The following SOX6 variants were observed in gnomAD, a reference collection of about 807,000 sequenced individuals.
The protein encoded by SOX6 is transcription factor SOX-6.
SOX6 carries 11 observed loss-of-function variants against 97.8 expected under a neutral mutation model. The observed-to-expected ratio is 0.11, with a 90% CI of 0.07 to 0.19. The LOEUF is 0.19. Among genes scored for constraint, SOX6 ranks in the 10% least tolerant of loss-of-function variants. The pLI is 1.00. For missense variants in SOX6, 810 were observed against 1,039.5 expected, an observed-to-expected ratio of 0.78 and a Z score of 3.04; for synonymous variants, 360 against 371.4, an observed-to-expected ratio of 0.97 and a Z score of 0.35.
chr11:16,708,034 G>C (rs568101572), intron 3 of SOX6, among the ~76,000 whole-genome samples: 1 of 152,154 alleles, frequency 6.6e-6, no homozygotes, highest in South Asian at 2.1e-4. Flanking sequence ...CTGAGACCAA[G>C]GTATTTCCAA....
chr11:16,003,036 T>G (rs1230253366), intron 13 of SOX6, among the ~76,000 whole-genome samples: 3 of 152,126 alleles, frequency 2.0e-5, no homozygotes, highest in Non-Finnish European at 1.5e-5. Context: ...CCTCTTAATT[T>G]CAGCCAGAAT....
At chr11:16,087,554 GTT>G (rs1848604505) in intron 9 of SOX6, among the ~76,000 whole-genome samples, 1 of 152,016 alleles carries the variant, frequency 6.6e-6, no homozygotes, top group South Asian at 2.1e-4. Flanking sequence ...ACTGAAGAGA[GTT>G]GTGACTGTTC....
At chr11:16,402,676 C>G in intron 1 of SOX6, 1 of 1,611,022 alleles carries the variant, frequency 6.2e-7, no homozygotes, top group Non-Finnish European at 8.5e-7. Context: ...TTCTTCTTTC[C>G]TTCCTCCACC....
chr11:15,979,064 T>A (rs1261666864), intron 15 of SOX6, among the ~76,000 whole-genome samples: 11 of 140,450 alleles, frequency 7.8e-5, no homozygotes, highest in Middle Eastern at 3.6e-3. Flanking sequence ...TATATATATA[T>A]AAAACTGCTT....
intron 3 of SOX6, among the ~76,000 whole-genome samples, chr11:16,691,215 T>C (rs1848010758): frequency 1.3e-5 from 2 of 152,142 alleles, no homozygotes; most frequent in South Asian, 4.2e-4. Context: ...TATTAGATAA[T>C]CAAAGTTCAC....
At chr11:16,536,389 G>A (rs961756436) in intron 4 of SOX6, among the ~76,000 whole-genome samples, 6 of 152,164 alleles carry the variant, frequency 3.9e-5, no homozygotes, top group Admixed American at 1.3e-4. Context: ...CGAGATTGAC[G>A]CAGAAGATGG....
In SOX6 at chr11:16,538,917, G is replaced by A. The variant is rs1023090192; in HGVS notation, n.610-62529C>T. Among the ~76,000 whole-genome samples, 15 of 152,162 alleles carry A rather than the reference G, an allele frequency of 9.9e-5. 1 individual carries two copies. The highest frequency in any genetic ancestry group is 8.3e-4 in the South Asian group (4 of 4,812). The stretch of plus-strand genomic sequence containing the variant: ...CACTGTCAATATTAGACAGATCAAC[G>A]AGACAGAAGGTTAACAAGGATATCC... On this transcript the variant is annotated intron_variant and non_coding_transcript_variant, in intron 4 of 5. Transcript: ENST00000524520.
intron 15 of SOX6, among the ~76,000 whole-genome samples, chr11:15,976,261 C>G (rs1464436155): frequency 6.6e-6 from 1 of 152,162 alleles, no homozygotes; most frequent in Non-Finnish European, 1.5e-5. Flanking sequence ...ATGGTGAGCT[C>G]AGGTTTTGGA....
At chr11:16,512,789 TA>T (rs375878554) in intron 4 of SOX6, among the ~76,000 whole-genome samples, 5 of 152,108 alleles carry the variant, frequency 3.3e-5, no homozygotes, top group South Asian at 2.1e-4. Flanking sequence ...ATCATGAATG[TA>T]AAAAACTCAA....
In SOX6 at chr11:15,969,596, C is replaced by G. The variant is rs2119735964; in HGVS notation, c.*3213G>C. On this transcript the variant is annotated 3_prime_UTR_variant, in exon 16 of 16. Coordinates refer to ENST00000683767, the MANE Select transcript of SOX6 (RefSeq NM_001367873.1). ...TACCCCGAGAGGCACAGTGACTCAT[C>G]AACTTTCAGTTTGGACCAACATCTA... 6.6e-6 allele frequency: 1 copy of G among 152,156 alleles called. No individual in the cohort carries two copies. The highest frequency in any genetic ancestry group is 1.9e-4 in the East Asian group (1 of 5,180). The allele number at this position is 152,156 out of a possible 1,614,324, so 9.4% of individuals were successfully genotyped here.
intron 1 of SOX6, among the ~76,000 whole-genome samples, chr11:16,428,857 A>T (rs993752851): frequency 6.6e-6 from 1 of 152,044 alleles, no homozygotes. Context: ...TTCCAATTCT[A>T]TGAAGAAAGT....
In SOX6 at chr11:16,610,116, G is replaced by A. The variant is rs945000369; in HGVS notation, n.609+1965C>T. Among the ~76,000 whole-genome samples, 3 of 152,134 alleles carry A rather than the reference G, an allele frequency of 2.0e-5. No individual in the cohort carries two copies. The highest frequency in any genetic ancestry group is 4.4e-5 in the Non-Finnish European group (3 of 68,026). On this transcript the variant is annotated intron_variant and non_coding_transcript_variant, in intron 4 of 5. Coordinates refer to the SOX6 transcript ENST00000524520. This position sits in a 1 kb window ranked among gnomAD's most constrained non-coding sequence, Gnocchi z 4.4. ...TCTCCCCTGTGTGTGTAAGAGTGTC[G>A]TTGGGCCTGTTCCAGAGCGTTGCAC...
intron 12 of SOX6, 78 bp downstream of exon 12, chr11:16,046,436 C>A (rs184144825): frequency 5.9e-6 from 9 of 1,518,388 alleles, no homozygotes; most frequent in Admixed American, 1.7e-5. Context: ...CAGGTTGATA[C>A]CTGGGAGCCT....
intron 3 of SOX6, among the ~76,000 whole-genome samples, chr11:16,686,012 G>C (rs769268177): frequency 3.3e-5 from 5 of 152,240 alleles, no homozygotes; most frequent in Non-Finnish European, 5.9e-5. Flanking sequence ...GCCCCAGCTA[G>C]AGCTGCAGCA....
intron 3 of SOX6, among the ~76,000 whole-genome samples, chr11:16,631,268 G>T (rs1417788748): frequency 6.6e-6 from 1 of 151,200 alleles, no homozygotes; most frequent in Non-Finnish European, 1.5e-5. Flanking sequence ...TCTCCCGTAA[G>T]GTTGGTCTAA....
At chr11:16,723,875 G>A (rs1848285395) in intron 2 of SOX6, among the ~76,000 whole-genome samples, 1 of 152,142 alleles carries the variant, frequency 6.6e-6, no homozygotes, top group African/African-American at 2.4e-5. Flanking sequence ...ATTTTACAAT[G>A]GAACAACTAA....
intron 15 of SOX6, among the ~76,000 whole-genome samples, chr11:15,978,107 C>G (rs901660770): frequency 6.6e-6 from 1 of 152,008 alleles, no homozygotes; most frequent in African/African-American, 2.4e-5. Flanking sequence ...CTATCTGAAT[C>G]ATTAATTTTT....
intron 4 of SOX6, among the ~76,000 whole-genome samples, chr11:16,223,875 T>C (rs1852612717): frequency 6.6e-6 from 1 of 152,128 alleles, no homozygotes; most frequent in Non-Finnish European, 1.5e-5. Context: ...ATCATAGCAA[T>C]TGGAAGAAAA....
intron 1 of SOX6, among the ~76,000 whole-genome samples, chr11:16,411,002 AAG>A (rs1367760141): frequency 6.6e-6 from 1 of 151,820 alleles, no homozygotes; most frequent in African/African-American, 2.4e-5. Flanking sequence ...AAAAAAGAAA[AAG>A]AAAAATCACA....
Sources: gnomAD v4.1 joint callset for allele counts (sites outside exome capture counted in the v4.1 genomes callset) on GRCh38, gnomAD v4.1.1 for gene constraint, Gnocchi (gnomAD v3.1) non-coding constraint, MANE v1.5 for transcripts, NCBI Gene and HGNC (gene_info 2026-07-23, HGNC 2026-07-21) for gene names.